The following PDPK1 variants were observed in gnomAD, a reference collection of about 807,000 sequenced individuals.
PDPK1 encodes the protein 3-phosphoinositide-dependent protein kinase 1.
In PDPK1, 7 loss-of-function variants were observed where a neutral mutation model predicts 39.8. The observed-to-expected ratio is 0.18, with a 90% CI of 0.10 to 0.33. The LOEUF is 0.33. Among genes scored for constraint, PDPK1 ranks in the 10% least tolerant of loss-of-function variants. The probability of loss-of-function intolerance (pLI) is 1.00; values close to 1 mark genes in which losing one functional copy is unlikely to be tolerated. For missense variants in PDPK1, 182 were observed against 384.7 expected (o/e 0.47, Z 4.41); for synonymous variants, 118 against 159.1 (o/e 0.74, Z 1.95).
At chr16:2,596,440 C>T (rs1476994114) in intron 12 of PDPK1, among the ~76,000 whole-genome samples, 2 of 152,160 alleles carry the variant, frequency 1.3e-5, no homozygotes, top group African/African-American at 4.8e-5. Context: ...GTGATCCACC[C>T]GTCTCAGCCT....
intron 1 of PDPK1, among the ~76,000 whole-genome samples, chr16:2,541,625 G>A (rs1174817017): frequency 6.6e-6 from 1 of 152,176 alleles, no homozygotes; most frequent in Non-Finnish European, 1.5e-5. Context: ...CCTGCTGTGC[G>A]ATGACATGTG....
chr16:2,597,358 AG>A lies in PDPK1; in HGVS notation c.1554+84del. The A allele has an allele frequency of 7.8e-7, 1 of 1,279,052 alleles. No homozygotes were observed. Among genetic ancestry groups the A allele is most frequent in the Non-Finnish European group, 1.1e-6 (1 of 913,184 alleles). 79.2% of individuals were successfully genotyped at this position (1,279,052 alleles called of 1,614,324 possible). A position where few individuals can be genotyped will look rare whatever the true frequency, so the allele number is the denominator to read the frequency against. On this transcript the variant is annotated intron_variant, in intron 13 of 13. Transcript: ENST00000342085. The surrounding 1 kb of genome is among the most constrained non-coding windows in gnomAD (Gnocchi z 6.3). ...TGGGAAGCAGCCACAGGCCTTGGCCAGAGGGAGCAGCGGGGATCGGGGCAGC... is the reference window on the plus strand; with the variant it reads ...TGGGAAGCAGCCACAGGCCTTGGCCAAGGGAGCAGCGGGGATCGGGGCAGC...
intron 1 of PDPK1, among the ~76,000 whole-genome samples, chr16:2,546,689 C>T (rs2066354420): frequency 6.6e-6 from 1 of 152,206 alleles, no homozygotes; most frequent in African/African-American, 2.4e-5. Context: ...GGGCCCTACT[C>T]TCCTGGTCTC....
At chr16:2,544,422 G>C (rs1344293849) in intron 1 of PDPK1, among the ~76,000 whole-genome samples, 4 of 152,198 alleles carry the variant, frequency 2.6e-5, no homozygotes, top group Non-Finnish European at 5.9e-5. Context: ...GAACTTACTG[G>C]ACTGAGGATG....
intron 1 of PDPK1, among the ~76,000 whole-genome samples, chr16:2,541,752 G>A (rs1187928422): frequency 3.9e-5 from 6 of 152,222 alleles, no homozygotes; most frequent in Non-Finnish European, 7.3e-5. Flanking sequence ...GGTCTTTTCA[G>A]CCGTGCATTC....
chr16:2,596,953 AG>A (rs986260778), intron 12 of PDPK1, among the ~76,000 whole-genome samples, 169 bp from the exon 13 acceptor site: 28 of 152,248 alleles, frequency 1.8e-4, no homozygotes, highest in African/African-American at 6.3e-4. Flanking sequence ...CTGTGACCTT[AG>A]AAACTGGGCC....
In PDPK1 at chr16:2,602,736, T is replaced by G. The variant is rs1263307291; in HGVS notation, c.*4969T>G. ...GGCAAGCAGAACATGCGTAATATTC[T>G]CTACCTGGTCTGTAGCTGTAACTGT... On this transcript the variant is annotated 3_prime_UTR_variant, in exon 14 of 14. Coordinates refer to ENST00000342085, the MANE Select transcript of PDPK1 (RefSeq NM_002613.5). 1 of 234,638 alleles carries G rather than the reference T, an allele frequency of 4.3e-6. No homozygotes were observed. Among genetic ancestry groups the G allele is most frequent in the East Asian group, 6.0e-5 (1 of 16,582 alleles). The allele number at this position is 234,638 out of a possible 1,614,324, so 14.5% of individuals were successfully genotyped here. A position where few individuals can be genotyped will look rare whatever the true frequency, so the allele number is the denominator to read the frequency against.
At chr16:2,560,545 CG>C (rs2066587016) in intron 2 of PDPK1, among the ~76,000 whole-genome samples, 5 of 141,908 alleles carry the variant, frequency 3.5e-5, no homozygotes, top group Non-Finnish European at 7.6e-5. Flanking sequence ...GCTCACAGCC[CG>C]GGGCCAGGTG....
chr16:2,588,776 T>G (rs1202234003), intron 11 of PDPK1, among the ~76,000 whole-genome samples: 2 of 152,166 alleles, frequency 1.3e-5, no homozygotes, highest in African/African-American at 4.8e-5. Context: ...GTTTGCATTC[T>G]CAGTGTGTGG....
At chr16:2,543,872 C>A (rs935285421) in intron 1 of PDPK1, among the ~76,000 whole-genome samples, 33 of 150,604 alleles carry the variant, frequency 2.2e-4, no homozygotes, top group African/African-American at 8.0e-4. Context: ...CAGGCACGTG[C>A]CACCGCACCC....
intron 10 of PDPK1, among the ~76,000 whole-genome samples, chr16:2,585,640 C>T (rs948346057): frequency 3.9e-5 from 6 of 152,272 alleles, no homozygotes; most frequent in Middle Eastern, 3.4e-3. Flanking sequence ...GCCCACACCC[C>T]GTGGAGGGGT....
rs772076490 is a variant in PDPK1 at position 2,593,541 on chromosome 16, C to T, written c.1344-2252C>T. On this transcript the variant is annotated intron_variant, in intron 11 of 13. Coordinates refer to ENST00000342085, the MANE Select transcript of PDPK1 (RefSeq NM_002613.5). This position sits in a 1 kb window ranked among gnomAD's most constrained non-coding sequence, Gnocchi z 4.2. ...GTGTTCTTCTGGTTTTTCTCTCCTT[C>T]GAGTTGGTATTTTAAACCATGCATC... The T allele has an allele frequency of 1.7e-5, 3 of 176,934 alleles. No homozygotes were observed. The highest frequency in any genetic ancestry group is 4.8e-5 in the African/African-American group (2 of 41,536). The allele number at this position is 176,934 out of a possible 1,614,324, so 11.0% of individuals were successfully genotyped here. A position where few individuals can be genotyped will look rare whatever the true frequency, so the allele number is the denominator to read the frequency against.
At chr16:2,542,985 C>G (rs1482092467) in intron 1 of PDPK1, among the ~76,000 whole-genome samples, 1 of 128,344 alleles carries the variant, frequency 7.8e-6, no homozygotes, top group African/African-American at 3.0e-5. Flanking sequence ...ATTCTTTAAC[C>G]TGTTTTTTCC....
intron 1 of PDPK1, among the ~76,000 whole-genome samples, chr16:2,550,284 C>T (rs1193123657): frequency 1.4e-5 from 2 of 146,298 alleles, no homozygotes; most frequent in African/African-American, 5.1e-5. Context: ...AAAGTTATAC[C>T]TATAAGGGGC....
In PDPK1 at chr16:2,597,997, C is replaced by G; in HGVS notation, c.*230C>G. On this transcript the variant is annotated 3_prime_UTR_variant, in exon 14 of 14. Transcript: ENST00000342085. This position sits in a 1 kb window ranked among gnomAD's most constrained non-coding sequence, Gnocchi z 6.3. ...AATTCAGGGTCGCTTTGCTTGCTCT[C>G]TGTGCTCCGTGGAGGCCTCCGTGTG... The G allele has an allele frequency of 1.8e-6, 1 of 557,284 alleles. No homozygotes were observed. Among genetic ancestry groups the G allele is most frequent in the Non-Finnish European group, 3.2e-6 (1 of 312,158 alleles). 34.5% of individuals were successfully genotyped at this position (557,284 alleles called of 1,614,324 possible).
intron 1 of PDPK1, among the ~76,000 whole-genome samples, chr16:2,546,372 C>G (rs149392820): frequency 1.0e-3 from 152 of 151,860 alleles, no homozygotes; most frequent in Non-Finnish European, 1.7e-3. Context: ...CTCGCTCTGT[C>G]GCCCAGTCTG....
At chr16:2,577,729 T>C (rs1383346628) in intron 7 of PDPK1, among the ~76,000 whole-genome samples, 1 of 149,202 alleles carries the variant, frequency 6.7e-6, no homozygotes, top group Non-Finnish European at 1.5e-5. Context: ...ATCGTTTGGG[T>C]TTTTTTTGTT....
chr16:2,594,047 C>G (rs560706144), intron 11 of PDPK1: 133 of 152,444 alleles, frequency 8.7e-4, no homozygotes, highest in African/African-American at 3.1e-3. Context: ...TGGGTCCTCC[C>G]TCTTGGGGCA....
intron 1 of PDPK1, among the ~76,000 whole-genome samples, chr16:2,552,110 A>G (rs1389711865): frequency 6.6e-6 from 1 of 151,220 alleles, no homozygotes; most frequent in Non-Finnish European, 1.5e-5. Flanking sequence ...CTAGGACTAT[A>G]GGCACACGCC....
Sources: allele counts gnomAD v4.1 joint callset (sites outside exome capture counted in the v4.1 genomes callset), GRCh38; gene constraint gnomAD v4.1.1; non-coding constraint Gnocchi (gnomAD v3.1); transcripts MANE v1.5; gene names NCBI Gene and HGNC (gene_info 2026-07-23, HGNC 2026-07-21).